Variants in CTNNA3 observed in about 807,000 individuals in gnomAD.
CTNNA3 encodes the protein catenin alpha-3.
In CTNNA3, 76 loss-of-function variants were observed where a neutral mutation model predicts 95.7. That is an observed-to-expected ratio of 0.79 (90% CI 0.66 to 0.96). The LOEUF (loss-of-function observed/expected upper bound fraction) is 0.96. Among genes scored for constraint, CTNNA3 ranks in the 40% least tolerant of loss-of-function variants. The pLI is 0.00. For synonymous variants in CTNNA3, 431 were observed against 374.4 expected (o/e 1.15, Z -1.74); for missense variants, 1,191 against 1,089.8 (o/e 1.09, Z -1.31).
intron 13 of CTNNA3, among the ~76,000 whole-genome samples, chr10:66,170,719 T>C (rs1234083230): frequency 8.4e-6 from 1 of 118,462 alleles, no homozygotes; most frequent in Non-Finnish European, 1.8e-5. Context: ...GAGAAAGCAA[T>C]GTTTACCCAA....
chr10:67,379,041 C>T (rs1395815451), intron 5 of CTNNA3, among the ~76,000 whole-genome samples: 1 of 152,192 alleles, frequency 6.6e-6, no homozygotes, highest in Admixed American at 6.5e-5. Context: ...CTAACTGCAT[C>T]AACCATTTAA....
intron 10 of CTNNA3, among the ~76,000 whole-genome samples, chr10:66,527,652 C>T (rs1348255772): frequency 1.3e-5 from 2 of 152,044 alleles, no homozygotes; most frequent in South Asian, 4.1e-4. Context: ...AGTCTTTCAC[C>T]TCTTTCGTTA....
chr10:66,533,970 C>CA (rs1841560023), intron 10 of CTNNA3, among the ~76,000 whole-genome samples: 1 of 152,092 alleles, frequency 6.6e-6, no homozygotes, highest in Non-Finnish European at 1.5e-5. Context: ...TCTGCAGTCA[C>CA]AAAAAATAGG....
At chr10:67,096,302 G>T (rs1589732833) in intron 7 of CTNNA3, among the ~76,000 whole-genome samples, 1 of 151,776 alleles carries the variant, frequency 6.6e-6, no homozygotes, top group East Asian at 1.9e-4. Flanking sequence ...GAACTGTAGG[G>T]ATGGAAACAG....
At chr10:66,328,063 T>C (rs2092277758) in intron 12 of CTNNA3, among the ~76,000 whole-genome samples, 1 of 152,096 alleles carries the variant, frequency 6.6e-6, no homozygotes, top group Admixed American at 6.5e-5. Context: ...TCTTTTAATA[T>C]TGACATTGTG....
At chr10:66,692,470 C>G (rs2132541731) in intron 9 of CTNNA3, among the ~76,000 whole-genome samples, 1 of 152,210 alleles carries the variant, frequency 6.6e-6, no homozygotes, top group Non-Finnish European at 1.5e-5. Flanking sequence ...TGTGAAAAGA[C>G]CAAATCTACA....
intron 7 of CTNNA3, among the ~76,000 whole-genome samples, chr10:66,850,417 T>C (rs1843443925): frequency 6.6e-6 from 1 of 152,088 alleles, no homozygotes; most frequent in Non-Finnish European, 1.5e-5. Context: ...AATTTAAGAG[T>C]TGGAGAGTTT....
chr10:66,370,157 A>T lies in CTNNA3; in HGVS notation c.1732+8995T>A, dbSNP rs192447927. On this transcript the variant is annotated intron_variant, in intron 12 of 17. Transcript: ENST00000433211. ...ATATCTTGGTTTATTCTCCAGCCTC[A>T]GTGACCTTGAACCTCGAATTAAGTT... 1.1e-4 allele frequency among the ~76,000 whole-genome samples: 17 copies of T among 152,296 alleles called. No individual in the cohort carries two copies. The East Asian group carries it at 3.1e-3, about 28-fold the overall frequency.
At chr10:67,726,826 G>A (rs1260590405) in intron 1 of CTNNA3, among the ~76,000 whole-genome samples, 2 of 93,288 alleles carry the variant, frequency 2.1e-5, no homozygotes, top group South Asian at 3.1e-4. Flanking sequence ...AGATATCTAT[G>A]TATCATATAT....
chr10:66,280,854 C>T (rs1467221188), intron 12 of CTNNA3, among the ~76,000 whole-genome samples: 2 of 151,312 alleles, frequency 1.3e-5, no homozygotes, highest in South Asian at 2.1e-4. Flanking sequence ...CCCCAGGCTT[C>T]TGGAGAGAAA....
intron 5 of CTNNA3, among the ~76,000 whole-genome samples, chr10:67,370,348 T>TTC (rs1459046900): frequency 6.6e-6 from 1 of 151,998 alleles, no homozygotes; most frequent in African/African-American, 2.4e-5. Context: ...TTTTGTTTAT[T>TTC]TGAAGTGACA....
intron 10 of CTNNA3, among the ~76,000 whole-genome samples, chr10:66,523,415 G>C (rs997094280): frequency 2.6e-5 from 4 of 152,056 alleles, no homozygotes; most frequent in African/African-American, 9.7e-5. Flanking sequence ...CTTGACTCTT[G>C]TGATATTTAG....
At chr10:66,742,101 C>T (rs1158284493) in intron 9 of CTNNA3, among the ~76,000 whole-genome samples, 9 of 152,182 alleles carry the variant, frequency 5.9e-5, no homozygotes, top group Admixed American at 3.3e-4. Context: ...GCATATTTCT[C>T]CTCTTTCAAA....
At chr10:66,208,861 C>T (rs1248191466) in intron 13 of CTNNA3, among the ~76,000 whole-genome samples, 1 of 151,982 alleles carries the variant, frequency 6.6e-6, no homozygotes, top group Non-Finnish European at 1.5e-5. Flanking sequence ...ATCCTAGTCA[C>T]CAAAGGGCCC....
chr10:66,815,284 A>T (rs2132274834), intron 7 of CTNNA3, among the ~76,000 whole-genome samples: 1 of 152,164 alleles, frequency 6.6e-6, no homozygotes, highest in Middle Eastern at 3.4e-3. Context: ...AAGAACAGCA[A>T]ATTTTATGGT....
At chr10:67,102,262 A>G (rs1305416099) in intron 7 of CTNNA3, among the ~76,000 whole-genome samples, 1 of 151,758 alleles carries the variant, frequency 6.6e-6, no homozygotes, top group Non-Finnish European at 1.5e-5. Flanking sequence ...CCCCAAAGGT[A>G]GGGTACCTGG....
intron 5 of CTNNA3, among the ~76,000 whole-genome samples, chr10:67,242,819 A>G (rs139952724): frequency 3.2e-4 from 48 of 152,338 alleles, no homozygotes; most frequent in Middle Eastern, 3.4e-3. Context: ...GAAATAGCAT[A>G]AGCTTTGAGG....
At chr10:66,063,964 C>CT (rs577005962) in intron 15 of CTNNA3, among the ~76,000 whole-genome samples, 1 of 152,058 alleles carries the variant, frequency 6.6e-6, no homozygotes, top group African/African-American at 2.4e-5. Context: ...TTCAAATAGT[C>CT]TTTTTTTGTT....
intron 6 of CTNNA3, among the ~76,000 whole-genome samples, chr10:67,205,083 G>T (rs1863831808): frequency 6.6e-6 from 1 of 152,004 alleles, no homozygotes; most frequent in South Asian, 2.1e-4. Flanking sequence ...GTAACCTGGT[G>T]GTCTTTTATT....
Sources: allele counts gnomAD v4.1 joint callset (sites outside exome capture counted in the v4.1 genomes callset), GRCh38; gene constraint gnomAD v4.1.1; transcripts MANE v1.5; gene names NCBI Gene and HGNC (gene_info 2026-07-23, HGNC 2026-07-21).